TNIP2: variants seen among roughly 807,000 people sequenced by gnomAD.
The protein encoded by TNIP2 is TNFAIP3-interacting protein 2.
In TNIP2, 30 loss-of-function variants were observed where a neutral mutation model predicts 43.7. The ratio of observed to expected loss-of-function variants is 0.69; its 90% confidence interval spans 0.51 to 0.93. TNIP2 has a LOEUF of 0.93. Among genes scored for constraint, TNIP2 ranks in the 40% least tolerant of loss-of-function variants. The pLI is 0.00. For synonymous variants in TNIP2, 260 were observed against 254.6 expected, an observed-to-expected ratio of 1.02 and a Z score of -0.20; for missense variants, 599 against 591.0, an observed-to-expected ratio of 1.01 and a Z score of -0.14.
rs753031832 is a variant in TNIP2 at position 2,747,670 on chromosome 4, C to T, written c.552G>A (p.Glu184=). Reference sequence around the variant, plus strand: ...TGTGGCCTACCTGGTCAGGACTTCTCTCCCCCACATTCCTTTGTGCATGCT... The same window carrying T: ...TGTGGCCTACCTGGTCAGGACTTCTTTCCCCCACATTCCTTTGTGCATGCT... ...ERQHAQRNVG[E]RSPDQSEHTD... The change falls in exon 2 of 6, where the codon GAG becomes GAA. Residue 184 remains glutamate, a synonymous_variant. Coordinates refer to ENST00000315423, the MANE Select transcript of TNIP2 (RefSeq NM_024309.4). The T allele has an allele frequency of 6.9e-6, 11 of 1,597,500 alleles. No homozygotes were observed. In the South Asian group the frequency reaches 7.7e-5, roughly 11 times the overall value.
intron 1 of TNIP2, among the ~76,000 whole-genome samples, chr4:2,753,475 C>T: frequency 6.6e-6 from 1 of 152,074 alleles, no homozygotes; most frequent in Non-Finnish European, 1.5e-5. Flanking sequence ...AAAACAAAAC[C>T]TACATGCTTA....
chr4:2,747,208 G>A (rs936205245), intron 2 of TNIP2, among the ~76,000 whole-genome samples: 7 of 152,226 alleles, frequency 4.6e-5, no homozygotes, highest in Admixed American at 3.3e-4. Flanking sequence ...TGAAGAAGGC[G>A]GGCACTCACG....
intron 1 of TNIP2, among the ~76,000 whole-genome samples, chr4:2,751,977 C>T (rs563891473): frequency 1.1e-4 from 16 of 151,474 alleles, no homozygotes; most frequent in African/African-American, 3.9e-4. Context: ...TGCTGGTGGG[C>T]GCCTGTAGTC....
chr4:2,742,382 C>T lies in TNIP2; in HGVS notation c.1165G>A (p.Glu389Lys), dbSNP rs1369777741. 8 of 1,609,774 alleles carry T rather than the reference C, an allele frequency of 5.0e-6. No individual in the cohort carries two copies. Among genetic ancestry groups the T allele is most frequent in the Non-Finnish European group, 5.9e-6 (7 of 1,177,844 alleles). ...TGGGCCGCGCCAGGATGCCCGCCCT[C>T]TGCAGGGGGTTCTGGCTGCTGGGAC... ...TGSQQPEPPA[E>K]GGHPGAAQRG... The change falls in exon 6 of 6, where the codon GAG becomes AAG. Residue 389 changes from glutamate to lysine, a missense_variant. Coordinates refer to ENST00000315423, the MANE Select transcript of TNIP2 (RefSeq NM_024309.4).
At chr4:2,747,518 G>A in intron 2 of TNIP2, 137 bp downstream of exon 2, 1 of 849,924 alleles carries the variant, frequency 1.2e-6, no homozygotes, top group Non-Finnish European at 1.8e-6. Context: ...AGTGAGCTTT[G>A]CCCCGTCAGC....
chr4:2,756,085 C>T lies in TNIP2; in HGVS notation c.205G>A (p.Glu69Lys). Residue 69 changes from glutamate to lysine, a missense_variant, in exon 1 of 6, where the codon GAG (glutamate) becomes AAG (lysine). By Grantham distance (56) the Glu-to-Lys change is moderately conservative. Coordinates refer to ENST00000315423, the MANE Select transcript of TNIP2 (RefSeq NM_024309.4). ...AAPSLVDALL[E>K]QVARFREQLR... The stretch of plus-strand genomic sequence containing the variant: ...TGCTCCCGGAAGCGCGCAACCTGCT[C>T]CAGCAGCGCGTCCACTAGGGACGGC... 6.5e-7 allele frequency: 1 copy of T among 1,527,310 alleles called. No individual in the cohort carries two copies. Among genetic ancestry groups the T allele is most frequent in the Non-Finnish European group, 8.7e-7 (1 of 1,149,410 alleles). The allele number at this position is 1,527,310 out of a possible 1,614,324, so 94.6% of individuals were successfully genotyped here.
At position 2,741,673 on chromosome 4, in the gene TNIP2, C is replaced by G. The variant is rs1376003096; in HGVS notation, c.*584G>C. The G allele has an allele frequency of 1.3e-5, 2 of 152,254 alleles. No individual in the cohort carries two copies. The highest frequency in any genetic ancestry group is 3.8e-4 in the East Asian group (2 of 5,196). The allele number at this position is 152,254 out of a possible 1,614,324, so 9.4% of individuals were successfully genotyped here. On this transcript the variant is annotated 3_prime_UTR_variant, in exon 6 of 6. Coordinates refer to ENST00000315423, the MANE Select transcript of TNIP2 (RefSeq NM_024309.4). ...CAAATTCTCAGAGCAGTCACAGCAG[C>G]AAGAACGTTTATTATAAAAATAGGT...
chr4:2,745,590 GA>G lies in TNIP2; in HGVS notation c.568-56del. ...CTCTGTCACATACAGCAAGAGGGGA[GA>G]AAGCTAGACCCAGAGGCTGAGGCCA... On this transcript the variant is annotated intron_variant, in intron 2 of 5. Coordinates refer to ENST00000315423, the MANE Select transcript of TNIP2 (RefSeq NM_024309.4). The G allele has an allele frequency of 1.3e-5, 17 of 1,302,254 alleles. No homozygotes were observed. The South Asian group carries it at 1.9e-4, about 15-fold the overall frequency. The allele number at this position is 1,302,254 out of a possible 1,614,324, so 80.7% of individuals were successfully genotyped here.
chr4:2,746,886 A>G (rs1721961197), intron 2 of TNIP2, among the ~76,000 whole-genome samples: 1 of 152,134 alleles, frequency 6.6e-6, no homozygotes, highest in South Asian at 2.1e-4. Context: ...CTGCTCCCCT[A>G]CTTTTCTGCC....
Position 2,744,238 on chromosome 4 carries a change from G to A in TNIP2, c.1026+149C>T, listed in dbSNP as rs2109478911. On this transcript the variant is annotated intron_variant, in intron 5 of 5. Transcript: ENST00000315423. This position sits in a 1 kb window ranked among gnomAD's most constrained non-coding sequence, Gnocchi z 5.1. ...TGACCACGCCCAGGTACCAGGCCAGGTGGCTCTCCCCACAGCAGGGAGGGG... is the reference window on the plus strand; with the variant it reads ...TGACCACGCCCAGGTACCAGGCCAGATGGCTCTCCCCACAGCAGGGAGGGG... 2 of 945,508 alleles carry A rather than the reference G, an allele frequency of 2.1e-6. No individual in the cohort carries two copies. Among genetic ancestry groups the A allele is most frequent in the Non-Finnish European group, 3.1e-6 (2 of 639,032 alleles). The allele number at this position is 945,508 out of a possible 1,614,324, so 58.6% of individuals were successfully genotyped here. A position where few individuals can be genotyped will look rare whatever the true frequency, so the allele number is the denominator to read the frequency against.
intron 5 of TNIP2, among the ~76,000 whole-genome samples, chr4:2,743,587 G>C (rs1009195233): frequency 3.9e-5 from 6 of 152,170 alleles, no homozygotes; most frequent in African/African-American, 1.4e-4. Context: ...ACAGGGCAGT[G>C]GGGGGTGGCC....
In TNIP2 at chr4:2,744,992, G is replaced by A. The variant is rs1721907200; in HGVS notation, c.658-47C>T. ...GCTCACGGTGAAGGCAGCTGACAAA[G>A]CTGCTCAAGCCAGCACCCAGTGTGA... On this transcript the variant is annotated intron_variant, in intron 3 of 5. Coordinates refer to ENST00000315423, the MANE Select transcript of TNIP2 (RefSeq NM_024309.4). This position sits in a 1 kb window ranked among gnomAD's most constrained non-coding sequence, Gnocchi z 5.1. 5 of 1,569,794 alleles carry A rather than the reference G, an allele frequency of 3.2e-6. No individual in the cohort carries two copies. Among genetic ancestry groups the A allele is most frequent in the Non-Finnish European group, 4.3e-6 (5 of 1,155,324 alleles).
In TNIP2 at chr4:2,747,924, G is replaced by A. The variant is rs1721997240; in HGVS notation, c.298C>T (p.Arg100Ter). Residue 100 changes from arginine (R) to a stop codon, truncating the protein, a stop_gained, in exon 2 of 6, where the codon CGA becomes TGA. Transcript: ENST00000315423. LOFTEE classifies it high-confidence loss of function. ...MRQEIERLTERLEEKEREMQQ... is the reference protein window; with the variant it reads ...MRQEIERLTE ...ATCTCCCTCTCTTTTTCTTCTAGTC[G>A]CTCAGTCAGCCTCTCAATTTCCTAA... 3.7e-6 allele frequency: 6 copies of A among 1,612,168 alleles called. No individual in the cohort carries two copies. Among genetic ancestry groups the A allele is most frequent in the Non-Finnish European group, 5.1e-6 (6 of 1,179,608 alleles).
rs16843316 is a variant in TNIP2, at chr4:2,742,256, G to A, written c.*1C>T. 0.044 allele frequency: 65,725 copies of A among 1,477,510 alleles called. 2,266 individuals are homozygous for A. Among genetic ancestry groups the A allele is most frequent in the African/African-American group, 0.17 (11,803 of 70,392 alleles). 91.5% of individuals were successfully genotyped at this position (1,477,510 alleles called of 1,614,324 possible). ...GCCGCAAGGGCACGGGTGAGTCTCG[G>A]TCACTGGCAGCACTCAGCCACATGC... On this transcript the variant is annotated 3_prime_UTR_variant, in exon 6 of 6. Transcript: ENST00000315423.
intron 2 of TNIP2, among the ~76,000 whole-genome samples, chr4:2,746,621 C>T (rs996330709): frequency 2.6e-5 from 4 of 152,256 alleles, no homozygotes; most frequent in Admixed American, 6.5e-5. Flanking sequence ...GGTGAAGCTG[C>T]TGATGGGTGC....
Position 2,744,936 on chromosome 4 carries a change from G to A in TNIP2, c.667C>T (p.Leu223Phe). ...LKQKVTHVEDLNAKWQRYNAS... is the reference protein window; with the variant it reads ...LKQKVTHVEDFNAKWQRYNAS... Reference sequence around the variant, plus strand: ...TTGTAGCGCTGCCACTTGGCATTGAGGTCTTCAACCTGAAGAGGTGGAGCC... The same window carrying A: ...TTGTAGCGCTGCCACTTGGCATTGAAGTCTTCAACCTGAAGAGGTGGAGCC... Residue 223 changes from leucine to phenylalanine, a missense_variant, in exon 4 of 6, where the codon CTC (leucine) becomes TTC (phenylalanine). By Grantham distance (22) the Leu-to-Phe change is conservative (BLOSUM62 0). Transcript: ENST00000315423. This position sits in a 1 kb window ranked among gnomAD's most constrained non-coding sequence, Gnocchi z 5.1. 3 of 1,605,764 alleles carry A rather than the reference G, an allele frequency of 1.9e-6. No homozygotes were observed. Among genetic ancestry groups the A allele is most frequent in the South Asian group, 1.1e-5 (1 of 90,898 alleles).
chr4:2,742,493 T>TCCGG lies in TNIP2; in HGVS notation c.1050_1053dup (p.Ile352ProfsTer64). 1 of 1,599,416 alleles carries TCCGG rather than the reference T, an allele frequency of 6.3e-7. No homozygotes were observed. Among genetic ancestry groups the TCCGG allele is most frequent in the South Asian group, 1.1e-5 (1 of 89,788 alleles). On this transcript the variant is annotated frameshift_variant, in exon 6 of 6. Coordinates refer to ENST00000315423, the MANE Select transcript of TNIP2 (RefSeq NM_024309.4). LOFTEE classifies it low-confidence loss of function (END_TRUNC). The stretch of plus-strand genomic sequence containing the variant: ...TTGGCAGTTTTGCTCCCAGCGTGAA[T>TCCGG]CCGGCCGGCGTCTGGCTCTCGAGAA...
intron 5 of TNIP2, 127 bp from the exon 6 acceptor site, chr4:2,742,647 CT>C: frequency 9.6e-7 from 1 of 1,038,496 alleles, no homozygotes; most frequent in Non-Finnish European, 1.3e-6. Context: ...ACTTTGCTTC[CT>C]GCTGCGCCCC....
chr4:2,755,939 G>C, intron 1 of TNIP2, 75 bp downstream of exon 1: 2 of 1,419,082 alleles, frequency 1.4e-6, no homozygotes, highest in Non-Finnish European at 1.8e-6. Flanking sequence ...GGGCCCGCTC[G>C]CTCACCCACC....
Sources: gnomAD v4.1 joint callset for allele counts (sites outside exome capture counted in the v4.1 genomes callset) on GRCh38, gnomAD v4.1.1 for gene constraint, Gnocchi (gnomAD v3.1) non-coding constraint, MANE v1.5 for transcripts, NCBI Gene and HGNC (gene_info 2026-07-23, HGNC 2026-07-21) for gene names.